MAGED1: variants seen among roughly 807,000 people sequenced by gnomAD.
MAGED1 encodes the protein melanoma-associated antigen D1.
In MAGED1, 3 loss-of-function variants were observed where a neutral mutation model predicts 54.1. The ratio of observed to expected loss-of-function variants is 0.06; its 90% CI spans 0.03 to 0.14. The LOEUF is 0.14. Among genes scored for constraint, MAGED1 ranks in the 10% least tolerant of loss-of-function variants. MAGED1 has a pLI of 1.00. For missense variants in MAGED1, 485 were observed against 623.4 expected (o/e 0.78, Z 2.36); for synonymous variants, 217 against 227.3 (o/e 0.95, Z 0.41).
Position 51,896,421 on chromosome X carries a change from A to G in MAGED1, c.766A>G (p.Asn256Asp). ...TCTGATGATGCAGATTAATAACTTG[A>G]ATGTTGAAGAGAACAGCAGTGGGGA... Reference protein sequence around the residue: ...GKRTRKINNLNVEENSSGDQR... With the variant: ...GKRTRKINNLDVEENSSGDQR... The change falls in exon 4 of 13, where the codon AAT becomes GAT. Residue 256 changes from asparagine (N) to aspartate (D), a missense_variant. Physicochemically the swap from Asn to Asp is conservative, Grantham distance 23. Around this residue, in one of 2 missense-constraint regions of MAGED1, gnomAD observed 299 missense variants for 293.1 expected, o/e 1.02. Transcript: ENST00000326587. 2 of 1,205,451 alleles carry G rather than the reference A, an allele frequency of 1.7e-6. No individual in the cohort carries two copies. Among genetic ancestry groups the G allele is most frequent in the Non-Finnish European group, 2.2e-6 (2 of 892,194 alleles).
chrX:51,803,323 C>A (rs1557354695), intron 1 of MAGED1, among the ~76,000 whole-genome samples: 1 of 110,583 alleles, frequency 9.0e-6, no homozygotes, highest in Non-Finnish European at 1.9e-5. Flanking sequence ...GCTCCTGCCT[C>A]ACCTCCTCAC....
At chrX:51,863,831 G>A (rs970913057) in intron 1 of MAGED1, among the ~76,000 whole-genome samples, 16 of 110,536 alleles carry the variant, frequency 1.4e-4, no homozygotes, top group Non-Finnish European at 3.0e-4. Flanking sequence ...GGTTATTTGT[G>A]TGTGTTTTTT....
Position 51,895,227 on chromosome X carries a change from C to G in MAGED1, c.220C>G (p.Pro74Ala), listed in dbSNP as rs1928685837. ...DIQVSAAAAR[P>A]KSAFKVQNAT... is the part of the protein sequence containing the mutation. ...TCAGGTTTCAGCAGCTGCCGCTAGG[C>G]CTAAGTCAGCCTTTAAAGTCCAGAA... Residue 74 changes from proline (P) to alanine (A), a missense_variant, in exon 3 of 13, where the codon CCT becomes GCT. Pro to Ala is a conservative substitution (Grantham distance 27, BLOSUM62 -1). Transcript: ENST00000326587. 3 of 1,210,120 alleles carry G rather than the reference C, an allele frequency of 2.5e-6. No individual in the cohort carries two copies. The highest frequency in any genetic ancestry group is 2.2e-5 in the Admixed American group (1 of 45,820).
chrX:51,843,053 T>C (rs1319503023), intron 1 of MAGED1, among the ~76,000 whole-genome samples: 2 of 111,848 alleles, frequency 1.8e-5, no homozygotes, highest in African/African-American at 6.5e-5. Context: ...AAAGAGTTTT[T>C]ATAAGTCTCC....
intron 1 of MAGED1, among the ~76,000 whole-genome samples, chrX:51,833,728 T>G (rs1358291893): frequency 3.6e-5 from 4 of 112,378 alleles, no homozygotes; most frequent in African/African-American, 9.7e-5. Context: ...GGACAGTATA[T>G]GTGTTAAAAG....
chrX:51,873,808 C>T lies in MAGED1; in HGVS notation c.-36-20461C>T, dbSNP rs1234978058. Among the ~76,000 whole-genome samples the T allele has an allele frequency of 2.7e-5, 3 of 110,772 alleles. No homozygotes were observed. In the Admixed American group the frequency reaches 2.9e-4, roughly 11 times the overall value. On this transcript the variant is annotated intron_variant, in intron 1 of 12. Transcript: ENST00000375772. ...TCTGGTTGAAGGATGCCTGCTGCAA[C>T]TCTGGCCATCATTTCTATGTTTCAG...
intron 1 of MAGED1, among the ~76,000 whole-genome samples, chrX:51,845,314 A>T (rs892960879): frequency 1.1e-4 from 12 of 112,163 alleles, no homozygotes; most frequent in Admixed American, 1.9e-4. Flanking sequence ...GCTACCTTTT[A>T]TGAAAAAGAA....
At chrX:51,816,197 T>G (rs1925415732) in intron 1 of MAGED1, among the ~76,000 whole-genome samples, 1 of 109,589 alleles carries the variant, frequency 9.1e-6, no homozygotes, top group African/African-American at 3.3e-5. Flanking sequence ...CACTGTAACC[T>G]CCTCCTCCCA....
chrX:51,840,827 T>G (rs1237201319), intron 1 of MAGED1, among the ~76,000 whole-genome samples: 3 of 110,393 alleles, frequency 2.7e-5, no homozygotes, highest in African/African-American at 9.9e-5. Context: ...CTTAATCCAG[T>G]CTATCATTGT....
At chrX:51,846,267 G>A (rs781849840) in intron 1 of MAGED1, among the ~76,000 whole-genome samples, 7 of 111,745 alleles carry the variant, frequency 6.3e-5, no homozygotes, top group Non-Finnish European at 1.1e-4. Flanking sequence ...CAATGTAGTC[G>A]CAAAGTTCCT....
intron 2 of MAGED1, 104 bp from the exon 3 acceptor site, chrX:51,894,949 C>T (rs1928658706): frequency 3.3e-6 from 3 of 913,974 alleles, no homozygotes; most frequent in South Asian, 2.5e-5. Flanking sequence ...ACCCACCGCC[C>T]GCCTGCAGCT....
upstream of MAGED1, among the ~76,000 whole-genome samples, chrX:51,892,147 T>TAA (rs1251211345): frequency 1.8e-5 from 2 of 112,599 alleles, no homozygotes; most frequent in Non-Finnish European, 3.8e-5. Flanking sequence ...CTGTACCAGT[T>TAA]TAATTTGAGT....
At chrX:51,809,840 T>C (rs782643533) in intron 1 of MAGED1, among the ~76,000 whole-genome samples, 11 of 111,627 alleles carry the variant, frequency 9.9e-5, no homozygotes, top group African/African-American at 2.3e-4. Context: ...AATGGTGATA[T>C]TTAATTCTTT....
intron 1 of MAGED1, among the ~76,000 whole-genome samples, chrX:51,814,603 G>A (rs1925347100): frequency 9.0e-6 from 1 of 111,448 alleles, no homozygotes; most frequent in Non-Finnish European, 1.9e-5. Flanking sequence ...GTACAGTCAT[G>A]TACAGCATTA....
intron 1 of MAGED1, among the ~76,000 whole-genome samples, chrX:51,834,730 C>T (rs1926184704): frequency 1.8e-5 from 2 of 110,761 alleles, no homozygotes; most frequent in Non-Finnish European, 3.8e-5. Flanking sequence ...GTCTTTTTAC[C>T]TTAATGGTTT....
At chrX:51,881,836 A>G (rs782019179) in intron 1 of MAGED1, among the ~76,000 whole-genome samples, 1 of 110,620 alleles carries the variant, frequency 9.0e-6, no homozygotes, top group Non-Finnish European at 1.9e-5. Context: ...TCTTATTCCT[A>G]TTATATTCTT....
chrX:51,897,164 T>C (rs782486963), intron 4 of MAGED1, 44 bp from the exon 5 acceptor site: 26 of 1,200,558 alleles, frequency 2.2e-5, no homozygotes, highest in Admixed American at 6.6e-5. Flanking sequence ...CAAGTTTTTT[T>C]GTAAATATTT....
Position 51,897,857 on chromosome X carries a change from C to A in MAGED1, c.1629C>A (p.Thr543=). 1 of 1,204,547 alleles carries A rather than the reference C, an allele frequency of 8.3e-7. No individual in the cohort carries two copies. The highest frequency in any genetic ancestry group is 1.1e-6 in the Non-Finnish European group (1 of 890,623). Residue 543 remains threonine, a synonymous_variant, in exon 7 of 13, where the codon ACC becomes ACA. Coordinates refer to ENST00000326587, the MANE Select transcript of MAGED1 (RefSeq NM_006986.4). ...AACACCTGTATATTCTCATCAGTACCCCCGAGTCCCTGGCTGGCATACTGG... is the reference window on the plus strand; with the variant it reads ...AACACCTGTATATTCTCATCAGTACACCCGAGTCCCTGGCTGGCATACTGG... ...KEEHLYILIS[T]PESLAGILGT...
intron 1 of MAGED1, among the ~76,000 whole-genome samples, chrX:51,843,600 G>C (rs782136263): frequency 9.0e-6 from 1 of 111,503 alleles, no homozygotes. Flanking sequence ...TTTTAAACCA[G>C]GGAAGTAAAT....
Sources: gnomAD v4.1 joint callset for allele counts (sites outside exome capture counted in the v4.1 genomes callset) on GRCh38, gnomAD v4.1.1 for gene constraint, gnomAD v4.1.1 regional missense constraint, MANE v1.5 for transcripts, NCBI Gene and HGNC (gene_info 2026-07-23, HGNC 2026-07-21) for gene names.